The following TUT7 variants were observed in gnomAD, a reference collection of about 807,000 sequenced individuals.
TUT7 encodes terminal uridylyl transferase 7, also known as terminal uridylyltransferase 7.
Under a neutral mutation model 165.9 loss-of-function variants are expected in TUT7, and 33 were observed. The ratio of observed to expected loss-of-function variants is 0.20; its 90% CI spans 0.15 to 0.27. The LOEUF is 0.27. Ranked by LOEUF, TUT7 falls within the 10% of genes least tolerant of loss-of-function variation. TUT7 has a pLI of 1.00. For missense variants in TUT7, 1,338 were observed against 1,762.3 expected, an observed-to-expected ratio of 0.76 and a Z score of 4.31; for synonymous variants, 552 against 608.1, an observed-to-expected ratio of 0.91 and a Z score of 1.36.
Position 86,322,447 on chromosome 9 carries a change from T to G in TUT7, c.2906A>C (p.Lys969Thr). 6.2e-7 allele frequency: 1 copy of G among 1,614,044 alleles called. No individual in the cohort carries two copies. The highest frequency in any genetic ancestry group is 2.2e-5 in the East Asian group (1 of 44,862). Residue 969 changes from lysine to threonine, a missense_variant, in exon 14 of 27, where the codon AAA becomes ACA. This residue lies in a region of TUT7 where 425 missense variants were observed against 474.9 expected (regional missense o/e 0.89). Coordinates refer to ENST00000375963, the MANE Select transcript of TUT7 (RefSeq NM_024617.4). ...KSPTVVCSLC[K>T]REGHLKKDCP... ...GTCCTTCTTTAGATGACCCTCTCGT[T>G]TGCATAAGCTGCACACTACCGTAGG...
intron 17 of TUT7, 69 bp from the exon 18 acceptor site, chr9:86,310,878 G>T: frequency 1.1e-6 from 1 of 889,574 alleles, no homozygotes; most frequent in Non-Finnish European, 1.9e-6. Flanking sequence ...TTATGTTAAT[G>T]TTCCAATATA....
intron 6 of TUT7, among the ~76,000 whole-genome samples, chr9:86,341,919 T>G (rs528531373): frequency 6.6e-6 from 1 of 152,182 alleles, no homozygotes; most frequent in Non-Finnish European, 1.5e-5. Flanking sequence ...ACTAGATGAG[T>G]TCCATAAAGA....
chr9:86,292,066 G>A (rs1187729146), intron 26 of TUT7, among the ~76,000 whole-genome samples: 2 of 152,162 alleles, frequency 1.3e-5, no homozygotes, highest in African/African-American at 4.8e-5. Context: ...CTAGCTTGTT[G>A]CCCAGTCTGG....
intron 11 of TUT7, among the ~76,000 whole-genome samples, chr9:86,326,710 T>C (rs890972788): frequency 3.9e-4 from 60 of 152,252 alleles, no homozygotes; most frequent in African/African-American, 1.4e-3. Context: ...GCCCCACGAG[T>C]GCCCATGGCT....
intron 10 of TUT7, among the ~76,000 whole-genome samples, chr9:86,333,313 G>T (rs1026851024): frequency 6.6e-6 from 1 of 152,066 alleles, no homozygotes; most frequent in African/African-American, 2.4e-5. Context: ...TCAGTCATTA[G>T]TCCTTCTACT....
chr9:86,321,682 T>C (rs1587933290), intron 14 of TUT7, among the ~76,000 whole-genome samples: 3 of 152,206 alleles, frequency 2.0e-5, no homozygotes, highest in East Asian at 1.9e-4. Flanking sequence ...AGAGCTGATA[T>C]TGCGCCACTG....
chr9:86,340,971 A>G (rs1354220331), intron 7 of TUT7, 31 bp downstream of exon 7: 2 of 1,568,044 alleles, frequency 1.3e-6, no homozygotes, highest in Admixed American at 3.4e-5. Flanking sequence ...AGACAACATA[A>G]AAATTTTTTA....
At chr9:86,326,688 G>A (rs1409268584) in intron 11 of TUT7, among the ~76,000 whole-genome samples, 1 of 152,166 alleles carries the variant, frequency 6.6e-6, no homozygotes, top group East Asian at 1.9e-4. Flanking sequence ...TATTACAAGA[G>A]AAGGAACTGA....
chr9:86,297,079 A>G lies in TUT7; in HGVS notation c.4420+4197T>C, dbSNP rs141110219. On this transcript the variant is annotated intron_variant, in intron 26 of 26. Transcript: ENST00000375963. The stretch of plus-strand genomic sequence containing the variant: ...CCAGTTGCTCAAAAGATTTATAAAT[A>G]TGTAGGTTTTTTACTAAGAAGATAA... 3.8e-3 allele frequency among the ~76,000 whole-genome samples: 582 copies of G among 152,332 alleles called. 8 individuals are homozygous for G. Among genetic ancestry groups the G allele is most frequent in the African/African-American group, 0.013 (547 of 41,584 alleles).
chr9:86,339,015 G>A, intron 8 of TUT7, 66 bp from the exon 9 acceptor site: 1 of 1,386,494 alleles, frequency 7.2e-7, no homozygotes, highest in African/African-American at 1.5e-5. Flanking sequence ...AGGTCTCAAA[G>A]TGTCTTTTAT....
At position 86,329,454 on chromosome 9, in the gene TUT7, C is replaced by T. The variant is rs536517852; in HGVS notation, c.1456-962G>A. On this transcript the variant is annotated intron_variant, in intron 10 of 26. Transcript: ENST00000375963. ...AGAAGAATTGTTTGACCCTGGGAGG[C>T]AGAGGTTGCAGTGAGCCGAGATGGT... Among the ~76,000 whole-genome samples, 15 of 151,058 alleles carry T rather than the reference C, an allele frequency of 9.9e-5. No homozygotes were observed. In the South Asian group the frequency reaches 2.9e-3, roughly 30 times the overall value.
intron 26 of TUT7, among the ~76,000 whole-genome samples, chr9:86,298,057 C>T (rs1273512471): frequency 1.3e-5 from 2 of 151,590 alleles, no homozygotes; most frequent in Non-Finnish European, 2.9e-5. Context: ...CAATTTCCCC[C>T]GACTGGCCCC....
At chr9:86,346,603 G>A in intron 2 of TUT7, 123 bp from the exon 3 acceptor site, 6 of 1,002,430 alleles carry the variant, frequency 6.0e-6, no homozygotes, top group South Asian at 1.7e-5. Flanking sequence ...CAGAGCAGAA[G>A]GAAAGGTAGC....
rs149751959 is a variant in TUT7, at chr9:86,323,898, T to C, written c.1852A>G (p.Ile618Val). 1.1e-5 allele frequency: 18 copies of C among 1,613,004 alleles called. No individual in the cohort carries two copies. The highest frequency in any genetic ancestry group is 1.4e-5 in the Non-Finnish European group (16 of 1,179,332). Reference protein sequence around the residue: ...TLNSQPVFEYILHCLRTTYKY... With the variant: ...TLNSQPVFEYVLHCLRTTYKY... ...TATGTTGTCCTTAAACAATGAAGTATATATTCAAACACAGGTTGACTATTT... is the reference window on the plus strand; with the variant it reads ...TATGTTGTCCTTAAACAATGAAGTACATATTCAAACACAGGTTGACTATTT... Residue 618 changes from isoleucine (I) to valine (V), a missense_variant, in exon 13 of 27, where the codon ATA (isoleucine) becomes GTA (valine). Ile to Val is a conservative substitution (Grantham distance 29). Transcript: ENST00000375963.
Position 86,353,195 on chromosome 9 carries a change from C to A in TUT7, c.5G>T (p.Gly2Val). 1 of 1,564,092 alleles carries A rather than the reference C, an allele frequency of 6.4e-7. No homozygotes were observed. The highest frequency in any genetic ancestry group is 2.1e-5 in the Admixed American group (1 of 47,966). M[G>V]DTAKPYFVKR... ...CACGAAATAAGGTTTTGCTGTATCT[C>A]CCATGGTCTTTGACTTCAATTTTCT... The change falls in exon 2 of 27, where the codon GGA becomes GTA. Residue 2 changes from glycine (G) to valine (V), a missense_variant. By Grantham distance (109) the Gly-to-Val change is moderately radical. This residue lies in a region of TUT7 where 434 missense variants were observed against 480.8 expected (regional missense o/e 0.90). Transcript: ENST00000375963.
intron 2 of TUT7, among the ~76,000 whole-genome samples, chr9:86,346,950 A>G (rs549418895): frequency 2.9e-4 from 44 of 152,184 alleles, no homozygotes; most frequent in Non-Finnish European, 6.0e-4. Context: ...AACAATCTCA[A>G]TAAGGCAAAA....
At chr9:86,333,242 T>C (rs1315475047) in intron 10 of TUT7, among the ~76,000 whole-genome samples, 3 of 152,228 alleles carry the variant, frequency 2.0e-5, no homozygotes, top group Admixed American at 2.0e-4. Flanking sequence ...GGCCCCCAAC[T>C]ATATTCAATC....
chr9:86,289,520 CA>C (rs1440851543), intron 26 of TUT7, among the ~76,000 whole-genome samples: 7 of 151,078 alleles, frequency 4.6e-5, no homozygotes, highest in African/African-American at 1.5e-4. Flanking sequence ...CAAGTGAATA[CA>C]GAATTAAATG....
At chr9:86,313,169 A>AAAT (rs1564050302) in intron 17 of TUT7, among the ~76,000 whole-genome samples, 10 of 138,600 alleles carry the variant, frequency 7.2e-5, no homozygotes, top group East Asian at 4.5e-4. Context: ...AATAAATAAA[A>AAAT]AGAATTATCC....
Sources: gnomAD v4.1 joint callset for allele counts (sites outside exome capture counted in the v4.1 genomes callset) on GRCh38, gnomAD v4.1.1 for gene constraint, gnomAD v4.1.1 regional missense constraint, MANE v1.5 for transcripts, NCBI Gene and HGNC (gene_info 2026-07-23, HGNC 2026-07-21) for gene names.